Variants in ZFPM1 observed in about 807,000 individuals in gnomAD.
The protein encoded by ZFPM1 is zinc finger protein, FOG family member 1, also known as zinc finger protein ZFPM1.
In ZFPM1, 28 loss-of-function variants were observed where a neutral mutation model predicts 46.3. The ratio of observed to expected loss-of-function variants is 0.60; its 90% CI spans 0.45 to 0.83. ZFPM1 has a LOEUF of 0.83. Ranked by LOEUF, ZFPM1 falls within the 40% of genes least tolerant of loss-of-function variation. The probability of loss-of-function intolerance (pLI) is 0.00; values close to 1 mark genes in which losing one functional copy is unlikely to be tolerated. For missense variants in ZFPM1, 1,878 were observed against 1,432.4 expected (o/e 1.31, Z -5.02); for synonymous variants, 957 against 675.9 (o/e 1.42, Z -6.45).
At chr16:88,455,172 TG>T (rs34989091) in intron 1 of ZFPM1, among the ~76,000 whole-genome samples, 1 of 135,388 alleles carries the variant, frequency 7.4e-6, no homozygotes, top group African/African-American at 2.8e-5. Context: ...TGTGTGTGTG[TG>T]GTGTTTCACT....
rs1003292340 is a variant in ZFPM1 at position 88,536,505 on chromosome 16, T to G, written c.*1526T>G. The G allele has an allele frequency of 4.6e-5, 7 of 152,214 alleles. No homozygotes were observed. Among genetic ancestry groups the G allele is most frequent in the Admixed American group, 1.3e-4 (2 of 15,282 alleles). 9.4% of individuals were successfully genotyped at this position (152,214 alleles called of 1,614,324 possible). On this transcript the variant is annotated 3_prime_UTR_variant, in exon 10 of 10. Coordinates refer to ENST00000319555, the MANE Select transcript of ZFPM1 (RefSeq NM_153813.3). The stretch of plus-strand genomic sequence containing the variant: ...CAACTCTACTTGAACTAGCTGCATT[T>G]TTTTCAGCTTTGCCCAGCAGCCCTG...
chr16:88,512,354 G>A (rs943676734), intron 3 of ZFPM1, among the ~76,000 whole-genome samples: 1 of 152,138 alleles, frequency 6.6e-6, no homozygotes, highest in African/African-American at 2.4e-5. Flanking sequence ...TCCTACCCCT[G>A]GAAAGGTGGG....
intron 3 of ZFPM1, among the ~76,000 whole-genome samples, chr16:88,494,144 G>A (rs1302991468): frequency 6.6e-6 from 1 of 152,146 alleles, no homozygotes; most frequent in African/African-American, 2.4e-5. Context: ...GAGCTTGTCG[G>A]CTGCCCCGGG....
intron 2 of ZFPM1, 101 bp downstream of exon 2, chr16:88,486,144 C>A: frequency 8.3e-7 from 1 of 1,206,352 alleles, no homozygotes; most frequent in Non-Finnish European, 1.2e-6. Context: ...AGGTGTGGGC[C>A]AACTATATGC....
chr16:88,502,433 A>G (rs1910417950), intron 3 of ZFPM1, among the ~76,000 whole-genome samples: 1 of 151,298 alleles, frequency 6.6e-6, no homozygotes. Context: ...TTGCCCCTCC[A>G]TGTCCCCCAA....
rs752679592 is a variant in ZFPM1, at chr16:88,532,698, A to G, written c.1031A>G (p.Asp344Gly). 1.2e-6 allele frequency: 2 copies of G among 1,611,088 alleles called. No individual in the cohort carries two copies. The highest frequency in any genetic ancestry group is 2.2e-5 in the South Asian group (2 of 90,806). The change falls in exon 8 of 10, where the codon GAC becomes GGC. Residue 344 changes from aspartate to glycine, a missense_variant. Asp to Gly is a moderately conservative substitution (Grantham distance 94, BLOSUM62 -1). Coordinates refer to ENST00000319555, the MANE Select transcript of ZFPM1 (RefSeq NM_153813.3). ...GAGCGGCACCTCAAGGTGCACACGG[A>G]CACGCTGAGCGGTAGGCACCGCAGG... is the stretch of plus-strand genomic sequence containing the variant. ...NCERHLKVHT[D>G]TLSGVCHSCG...
chr16:88,484,479 T>C (rs764230954), intron 1 of ZFPM1, among the ~76,000 whole-genome samples: 14 of 152,288 alleles, frequency 9.2e-5, no homozygotes, highest in Non-Finnish European at 1.9e-4. Flanking sequence ...TTCCAGACTT[T>C]TCTTATTCAT....
At chr16:88,453,806 C>G in intron 1 of ZFPM1, 128 bp downstream of exon 1, 4 of 510,042 alleles carry the variant, frequency 7.8e-6, no homozygotes, top group Non-Finnish European at 7.7e-6. Context: ...CGCCGCGCCC[C>G]CCGCGCTGTG....
chr16:88,519,875 G>A (rs1368433502), intron 4 of ZFPM1, among the ~76,000 whole-genome samples: 2 of 151,074 alleles, frequency 1.3e-5, no homozygotes, highest in African/African-American at 2.4e-5. Flanking sequence ...GGGTAGATGG[G>A]TAGATGGAGA....
chr16:88,515,876 T>TG (rs1911266928), intron 4 of ZFPM1, among the ~76,000 whole-genome samples: 1 of 152,280 alleles, frequency 6.6e-6, no homozygotes, highest in African/African-American at 2.4e-5. Context: ...TGCTGGGATG[T>TG]GGGGATCTTG....
At chr16:88,509,408 T>C (rs922105061) in intron 3 of ZFPM1, among the ~76,000 whole-genome samples, 1 of 152,116 alleles carries the variant, frequency 6.6e-6, no homozygotes. Context: ...GCCCACCATC[T>C]GGGGTGGCTG....
At chr16:88,490,030 A>C (rs373740649) in intron 3 of ZFPM1, among the ~76,000 whole-genome samples, 2 of 151,502 alleles carry the variant, frequency 1.3e-5, no homozygotes, top group Non-Finnish European at 2.9e-5. Context: ...AGCCAGATGC[A>C]TGTACAGATG....
chr16:88,453,703 C>T, intron 1 of ZFPM1, 25 bp downstream of exon 1: 3 of 1,186,684 alleles, frequency 2.5e-6, no homozygotes, highest in Non-Finnish European at 3.2e-6. Context: ...GCCCGCGGTC[C>T]CCTCCGCGCG....
At chr16:88,478,916 A>G (rs751262946) in intron 1 of ZFPM1, among the ~76,000 whole-genome samples, 4 of 152,200 alleles carry the variant, frequency 2.6e-5, no homozygotes, top group Non-Finnish European at 4.4e-5. Flanking sequence ...TGGACCCCAC[A>G]TGGCAGTGGT....
rs565477009 is a variant in ZFPM1, at chr16:88,536,238, C to T, written c.*1259C>T. The stretch of plus-strand genomic sequence containing the variant: ...CCAGGCTGAAGTTCAGTGGCACGAT[C>T]ATAAGTCACTGCAGCCTCAAACTCC... On this transcript the variant is annotated 3_prime_UTR_variant, in exon 10 of 10. Transcript: ENST00000319555. 2.6e-5 allele frequency: 4 copies of T among 152,314 alleles called. No homozygotes were observed. In the South Asian group the frequency reaches 6.2e-4, roughly 24 times the overall value. The allele number at this position is 152,314 out of a possible 1,614,324, so 9.4% of individuals were successfully genotyped here. A position where few individuals can be genotyped will look rare whatever the true frequency, so the allele number is the denominator to read the frequency against.
At chr16:88,532,372 G>T in intron 7 of ZFPM1, 137 bp downstream of exon 7, 1 of 993,314 alleles carries the variant, frequency 1.0e-6, no homozygotes. Context: ...CACACCCAGG[G>T]CCCCCGCAGG....
Position 88,485,991 on chromosome 16 carries a change from C to T in ZFPM1, c.93C>T (p.Ser31=). ...AGGAGGTGCAGTTGGTGGGTGCCAG[C>T]CACATGGAGCAAAAGGCCACGGCAC... is the stretch of plus-strand genomic sequence containing the variant. ...AREEVQLVGA[S]HMEQKATAPE... The change falls in exon 2 of 10, where the codon AGC becomes AGT. Residue 31 remains serine (S), a synonymous_variant. Coordinates refer to ENST00000319555, the MANE Select transcript of ZFPM1 (RefSeq NM_153813.3). The T allele has an allele frequency of 6.2e-7, 1 of 1,612,926 alleles. No individual in the cohort carries two copies. The highest frequency in any genetic ancestry group is 8.5e-7 in the Non-Finnish European group (1 of 1,179,954).
intron 3 of ZFPM1, among the ~76,000 whole-genome samples, chr16:88,492,611 C>A (rs1909641883): frequency 6.6e-6 from 1 of 152,224 alleles, no homozygotes; most frequent in African/African-American, 2.4e-5. Context: ...CTGGGAAACC[C>A]CCCAACCCCG....
intron 1 of ZFPM1, among the ~76,000 whole-genome samples, chr16:88,462,369 C>T (rs1169212820): frequency 2.6e-5 from 4 of 152,238 alleles, no homozygotes; most frequent in Non-Finnish European, 4.4e-5. Flanking sequence ...CGGGCATCCC[C>T]GTTCTGCCCT....
Sources: gnomAD v4.1 joint callset for allele counts (sites outside exome capture counted in the v4.1 genomes callset) on GRCh38, gnomAD v4.1.1 for gene constraint, MANE v1.5 for transcripts, NCBI Gene and HGNC (gene_info 2026-07-23, HGNC 2026-07-21) for gene names.